SRD5A2: variants seen among roughly 807,000 people sequenced by gnomAD.
The protein encoded by SRD5A2 is 3-oxo-5-alpha-steroid 4-dehydrogenase 2.
Under a neutral mutation model 27.4 loss-of-function variants are expected in SRD5A2, and 30 were observed. That is an observed-to-expected ratio of 1.10 (90% CI 0.82 to 1.49). SRD5A2 has a LOEUF of 1.49. Ranked by LOEUF, SRD5A2 falls within the 40% of genes most tolerant of loss-of-function variation. The pLI, the probability that SRD5A2 is intolerant of heterozygous loss-of-function variation, is 0.00. For synonymous variants in SRD5A2, 141 were observed against 133.6 expected, an observed-to-expected ratio of 1.06 and a Z score of -0.38; for missense variants, 348 against 323.4, an observed-to-expected ratio of 1.08 and a Z score of -0.58.
the SRD5A2 span, among the ~76,000 whole-genome samples, chr2:31,613,263 A>T: frequency 6.6e-6 from 1 of 152,170 alleles, no homozygotes; most frequent in Non-Finnish European, 1.5e-5. Context: ...CAAACCATAC[A>T]TCTGATAAAG....
intron 1 of SRD5A2, 111 bp from the exon 2 acceptor site, chr2:31,533,877 A>G: frequency 8.0e-7 from 1 of 1,248,628 alleles, no homozygotes; most frequent in Non-Finnish European, 1.1e-6. Flanking sequence ...AGGCTCTGCC[A>G]TTTCGCCTTA....
chr2:31,580,196 A>C (rs1667042006), intron 1 of SRD5A2, among the ~76,000 whole-genome samples: 1 of 152,164 alleles, frequency 6.6e-6, no homozygotes, highest in African/African-American at 2.4e-5. Context: ...CCCACCCTGC[A>C]AGGAAAAGGT....
intron 2 of SRD5A2, among the ~76,000 whole-genome samples, chr2:31,532,306 C>G (rs796447407): frequency 8.3e-4 from 125 of 150,278 alleles, no homozygotes; most frequent in African/African-American, 2.9e-3. Context: ...CATGAAATAA[C>G]GTGAGCTAGT....
At chr2:31,593,737 A>G in the SRD5A2 span, among the ~76,000 whole-genome samples, 1 of 152,296 alleles carries the variant, frequency 6.6e-6, no homozygotes, top group South Asian at 2.1e-4. Flanking sequence ...TCACCAAGGA[A>G]CATAGCCACC....
At chr2:31,603,736 G>A in the SRD5A2 span, among the ~76,000 whole-genome samples, 1,518 of 151,822 alleles carry the variant, frequency 1.0e-2, 19 homozygotes, top group South Asian at 0.028. Flanking sequence ...AGACCATGTC[G>A]CATGCAAGGA....
chr2:31,582,257 T>A (rs1008566618), upstream of SRD5A2, among the ~76,000 whole-genome samples: 1 of 152,090 alleles, frequency 6.6e-6, no homozygotes, highest in African/African-American at 2.4e-5. Flanking sequence ...TGTATCTCCA[T>A]CCACTTCTGC....
At chr2:31,532,932 T>C (rs986427089) in intron 2 of SRD5A2, among the ~76,000 whole-genome samples, 1 of 152,034 alleles carries the variant, frequency 6.6e-6, no homozygotes. Flanking sequence ...CCAACCCCCA[T>C]GAATACATGG....
At chr2:31,593,879 G>T in the SRD5A2 span, among the ~76,000 whole-genome samples, 4 of 152,148 alleles carry the variant, frequency 2.6e-5, no homozygotes, top group African/African-American at 9.7e-5. Context: ...GAAGGGATTG[G>T]GGTCCTATCT....
chr2:31,632,678 C>A, the SRD5A2 span, among the ~76,000 whole-genome samples: 12 of 152,108 alleles, frequency 7.9e-5, no homozygotes, highest in Non-Finnish European at 1.5e-4. Context: ...CTGAGGGGTC[C>A]TAGGACACGC....
intron 2 of SRD5A2, among the ~76,000 whole-genome samples, chr2:31,532,485 A>G (rs7571644): frequency 0.14 from 21,869 of 151,884 alleles, 1,708 homozygotes; most frequent in African/African-American, 0.2. Context: ...GTGTCTCCAC[A>G]TGCACTATCC....
chr2:31,530,458 T>C (rs1385412855), intron 3 of SRD5A2, among the ~76,000 whole-genome samples: 1 of 152,236 alleles, frequency 6.6e-6, no homozygotes, highest in African/African-American at 2.4e-5. Flanking sequence ...AAAGGGCCTA[T>C]AAATTTTCTA....
the SRD5A2 span, among the ~76,000 whole-genome samples, chr2:31,648,032 T>C: frequency 6.6e-6 from 1 of 152,196 alleles, no homozygotes; most frequent in Non-Finnish European, 1.5e-5. Context: ...GTGTGCATGT[T>C]TTATTTTGCT....
chr2:31,655,738 A>T, the SRD5A2 span, among the ~76,000 whole-genome samples: 39 of 152,058 alleles, frequency 2.6e-4, no homozygotes, highest in Admixed American at 6.6e-4. Context: ...GGTAGGCAGA[A>T]CTCCCCTCCA....
At chr2:31,557,683 T>C (rs1269641314) in intron 1 of SRD5A2, among the ~76,000 whole-genome samples, 2 of 152,234 alleles carry the variant, frequency 1.3e-5, no homozygotes, top group African/African-American at 4.8e-5. Flanking sequence ...GGCCAATTTC[T>C]GGTCAACTCT....
At chr2:31,567,591 G>A (rs189148307) in intron 1 of SRD5A2, among the ~76,000 whole-genome samples, 7 of 151,922 alleles carry the variant, frequency 4.6e-5, no homozygotes, top group African/African-American at 1.7e-4. Flanking sequence ...CTACCTTCTT[G>A]TCCCTCTTGT....
the SRD5A2 span, among the ~76,000 whole-genome samples, chr2:31,623,729 G>A: frequency 6.6e-6 from 1 of 152,018 alleles, no homozygotes; most frequent in African/African-American, 2.4e-5. Context: ...GTATGATGTT[G>A]GCTGTGGGTT....
At chr2:31,577,862 A>G (rs1666991161) in intron 1 of SRD5A2, among the ~76,000 whole-genome samples, 1 of 152,204 alleles carries the variant, frequency 6.6e-6, no homozygotes, top group African/African-American at 2.4e-5. Context: ...CTAAGAAAAT[A>G]GATCTAACCT....
chr2:31,523,120 G>A lies in SRD5A2; in HGVS notation c.*3076C>T, dbSNP rs1426362085. The A allele has an allele frequency of 9.2e-6, 2 of 217,022 alleles. No homozygotes were observed. Among genetic ancestry groups the A allele is most frequent in the Non-Finnish European group, 1.9e-5 (2 of 107,938 alleles). 13.4% of individuals were successfully genotyped at this position (217,022 alleles called of 1,614,324 possible). On this transcript the variant is annotated 3_prime_UTR_variant, in exon 5 of 5. Transcript: ENST00000622030. ...GTTCTTTATGAAAGTAAGCATTAGG[G>A]ATAAGGGGGTTTATGACCTGAAACC...
chr2:31,543,610 G>T (rs947427588), intron 1 of SRD5A2, among the ~76,000 whole-genome samples: 1 of 152,058 alleles, frequency 6.6e-6, no homozygotes, highest in Non-Finnish European at 1.5e-5. Flanking sequence ...GCAATTTTGT[G>T]ACATTAACAA....
Sources: gnomAD v4.1 joint callset for allele counts (sites outside exome capture counted in the v4.1 genomes callset) on GRCh38, gnomAD v4.1.1 for gene constraint, MANE v1.5 for transcripts, NCBI Gene and HGNC (gene_info 2026-07-23, HGNC 2026-07-21) for gene names.